FGD4: variants seen among roughly 807,000 people sequenced by gnomAD.
FGD4 encodes FYVE, RhoGEF and PH domain containing 4.
FGD4 carries 42 observed loss-of-function variants against 102.0 expected under a neutral mutation model. The observed-to-expected ratio is 0.41, with a 90% CI of 0.32 to 0.53. The LOEUF (loss-of-function observed/expected upper bound fraction) is 0.53. Among genes scored for constraint, FGD4 ranks in the 20% least tolerant of loss-of-function variants. FGD4 has a pLI of 0.21. For missense variants in FGD4, 902 were observed against 1,078.2 expected (o/e 0.84, Z 2.29); for synonymous variants, 380 against 375.7 (o/e 1.01, Z -0.13).
chr12:32,543,462 A>G (rs1162594021), intron 1 of FGD4, among the ~76,000 whole-genome samples: 3 of 152,056 alleles, frequency 2.0e-5, no homozygotes, highest in Non-Finnish European at 4.4e-5. Context: ...GCTTCTGATC[A>G]TTACTTGGTC....
intron 10 of FGD4, among the ~76,000 whole-genome samples, chr12:32,616,578 T>A (rs1949462266): frequency 6.6e-6 from 1 of 152,214 alleles, no homozygotes; most frequent in Non-Finnish European, 1.5e-5. Flanking sequence ...AACCTCTTGT[T>A]CTTTTACTTG....
chr12:32,453,200 T>TTTTATATATATATA (rs1470836726), intron 1 of FGD4, among the ~76,000 whole-genome samples: 3 of 64,604 alleles, frequency 4.6e-5, no homozygotes, highest in African/African-American at 1.5e-4. Flanking sequence ...TATATATATA[T>TTTTATATATATATA]TATATATATA....
At chr12:32,412,899 ATTTTTTTTT>A (rs869107334) in intron 1 of FGD4, among the ~76,000 whole-genome samples, 8 of 86,988 alleles carry the variant, frequency 9.2e-5, no homozygotes, top group East Asian at 3.6e-4. Flanking sequence ...TTTTCTAGAA[ATTTTTTTTT>A]TTTTTTTTTT....
At chr12:32,622,531 T>G (rs1029057096) in intron 11 of FGD4, among the ~76,000 whole-genome samples, 1 of 152,238 alleles carries the variant, frequency 6.6e-6, no homozygotes, top group Non-Finnish European at 1.5e-5. Flanking sequence ...ATTGCTCTAG[T>G]TATATTTATG....
chr12:32,416,083 C>T (rs1381428074), intron 1 of FGD4, among the ~76,000 whole-genome samples: 3 of 152,172 alleles, frequency 2.0e-5, no homozygotes, highest in African/African-American at 4.8e-5. Flanking sequence ...GCAACTTCTG[C>T]CTCCTGGGCT....
intron 3 of FGD4, among the ~76,000 whole-genome samples, chr12:32,580,703 C>T (rs188677458): frequency 7.2e-5 from 11 of 151,968 alleles, no homozygotes; most frequent in Non-Finnish European, 1.2e-4. Context: ...CTGGCTAACA[C>T]GGTGAAACCC....
At chr12:32,627,877 A>G (rs925993565) in intron 14 of FGD4, among the ~76,000 whole-genome samples, 1 of 152,180 alleles carries the variant, frequency 6.6e-6, no homozygotes, top group Non-Finnish European at 1.5e-5. Flanking sequence ...TTAATGAGAA[A>G]GTGGCGGGGT....
chr12:32,439,070 T>C (rs1016975588), intron 1 of FGD4, among the ~76,000 whole-genome samples: 1 of 152,218 alleles, frequency 6.6e-6, no homozygotes, highest in African/African-American at 2.4e-5. Context: ...ATTGAACTTA[T>C]TCTTCCTATC....
chr12:32,481,879 G>A (rs986171927), intron 1 of FGD4, among the ~76,000 whole-genome samples: 3 of 151,008 alleles, frequency 2.0e-5, no homozygotes, highest in Non-Finnish European at 4.4e-5. Context: ...TTGATCACAC[G>A]AACCCATGTT....
chr12:32,598,939 T>C (rs909127193), intron 5 of FGD4, among the ~76,000 whole-genome samples: 36 of 152,340 alleles, frequency 2.4e-4, no homozygotes, highest in Admixed American at 4.6e-4. Context: ...CTAAGATGGA[T>C]GTGTCATTGA....
intron 1 of FGD4, chr12:32,502,063 G>A (rs1938258222): frequency 2.0e-6 from 2 of 985,472 alleles, no homozygotes; most frequent in Non-Finnish European, 2.4e-6. Flanking sequence ...GACAGCGATT[G>A]TTACCCAATA....
intron 1 of FGD4, among the ~76,000 whole-genome samples, chr12:32,427,432 A>G (rs955578403): frequency 3.3e-5 from 5 of 152,082 alleles, no homozygotes; most frequent in African/African-American, 1.2e-4. Flanking sequence ...CTGAAAGACT[A>G]TTTGTTATGA....
chr12:32,521,499 C>T (rs1940554454), intron 1 of FGD4, among the ~76,000 whole-genome samples: 1 of 151,746 alleles, frequency 6.6e-6, no homozygotes, highest in South Asian at 2.1e-4. Flanking sequence ...GTCACAGGAA[C>T]TGAAAAAGCT....
At chr12:32,579,221 AT>A (rs1199143262) in intron 3 of FGD4, among the ~76,000 whole-genome samples, 1 of 151,672 alleles carries the variant, frequency 6.6e-6, no homozygotes, top group Non-Finnish European at 1.5e-5. Flanking sequence ...CTAATTTTGT[AT>A]TTTTAGTAGA....
chr12:32,605,495 T>A (rs909972164), intron 7 of FGD4, among the ~76,000 whole-genome samples: 6 of 152,194 alleles, frequency 3.9e-5, no homozygotes, highest in African/African-American at 9.7e-5. Context: ...GATATCCTAT[T>A]CCCACATGCC....
At chr12:32,542,023 A>G (rs1170418644) in intron 1 of FGD4, among the ~76,000 whole-genome samples, 1 of 151,984 alleles carries the variant, frequency 6.6e-6, no homozygotes, top group East Asian at 1.9e-4. Flanking sequence ...GGTCTGGGTG[A>G]TCCTTACCTT....
chr12:32,586,670 G>A (rs998566948), intron 4 of FGD4, among the ~76,000 whole-genome samples: 1 of 152,148 alleles, frequency 6.6e-6, no homozygotes, highest in Non-Finnish European at 1.5e-5. Context: ...GATGAAGGGG[G>A]CCTGGATGAA....
At position 32,474,305 on chromosome 12, in the gene FGD4, G is replaced by A. The variant is rs533742769; in HGVS notation, c.166+74346G>A. Among the ~76,000 whole-genome samples the A allele has an allele frequency of 3.3e-5, 5 of 152,232 alleles. No individual in the cohort carries two copies. The South Asian group carries it at 1.0e-3, about 32-fold the overall frequency. ...TCCACAGAAAACCTTGTACATGAAT[G>A]TTTATAGTTGCAATATAATAGCCAA... On this transcript the variant is annotated intron_variant, in intron 1 of 16. Coordinates refer to ENST00000534526, the MANE Select transcript of FGD4 (RefSeq NM_001370298.3).
In FGD4 at chr12:32,526,054, C is replaced by T. The variant is rs866652589; in HGVS notation, c.167-38083C>T. 5.9e-5 allele frequency among the ~76,000 whole-genome samples: 9 copies of T among 152,366 alleles called. No homozygotes were observed. In the East Asian group the frequency reaches 1.7e-3, roughly 29 times the overall value. ...TCGACCACGCAAGGGCTGAGGAATGCGAGCGCAGGGGGCAGGACTGGCAGG... is the reference window on the plus strand; with the variant it reads ...TCGACCACGCAAGGGCTGAGGAATGTGAGCGCAGGGGGCAGGACTGGCAGG... On this transcript the variant is annotated intron_variant, in intron 1 of 16. Coordinates refer to ENST00000534526, the MANE Select transcript of FGD4 (RefSeq NM_001370298.3).
Sources: gnomAD v4.1 joint callset for allele counts (sites outside exome capture counted in the v4.1 genomes callset) on GRCh38, gnomAD v4.1.1 for gene constraint, MANE v1.5 for transcripts, NCBI Gene and HGNC (gene_info 2026-07-23, HGNC 2026-07-21) for gene names.